Variants in IGF2BP1 observed in about 807,000 individuals in gnomAD.
IGF2BP1 encodes the protein insulin like growth factor 2 mRNA binding protein 1, also known as insulin-like growth factor 2 mRNA-binding protein 1.
A neutral mutation model predicts 74.9 loss-of-function variants in IGF2BP1; 11 were observed. The ratio of observed to expected loss-of-function variants is 0.15; its 90% CI spans 0.09 to 0.24. The LOEUF is 0.24. IGF2BP1 is among the 10% of genes least tolerant of loss of function. IGF2BP1 has a pLI of 1.00. For synonymous variants in IGF2BP1, 287 were observed against 281.8 expected (o/e 1.02, Z -0.18); for missense variants, 440 against 757.4 (o/e 0.58, Z 4.92).
At chr17:49,010,923 T>C (rs921090382) in intron 2 of IGF2BP1, among the ~76,000 whole-genome samples, 7 of 151,228 alleles carry the variant, frequency 4.6e-5, no homozygotes, top group African/African-American at 1.5e-4. Context: ...AGGAATGGGT[T>C]AAGAAGAGCC....
At chr17:49,038,111 C>T (rs1326645484) in intron 5 of IGF2BP1, 57 bp from the exon 6 acceptor site, 5 of 1,384,630 alleles carry the variant, frequency 3.6e-6, no homozygotes, top group Admixed American at 2.9e-5. Context: ...GCCAAGAGAG[C>T]ATCTGGTATG....
At position 49,050,631 on chromosome 17, in the gene IGF2BP1, G is replaced by A. The variant is rs945932253; in HGVS notation, c.*1187G>A. On this transcript the variant is annotated 3_prime_UTR_variant, in exon 15 of 15. Coordinates refer to ENST00000290341, the MANE Select transcript of IGF2BP1 (RefSeq NM_006546.4). ...AAATTCAGTAAATTGGAGAGTACTT[G>A]CTTCTGTTTGTATCTGAGAGGAATT... is the stretch of plus-strand genomic sequence containing the variant. 1.2e-4 allele frequency: 19 copies of A among 152,304 alleles called. No individual in the cohort carries two copies. The highest frequency in any genetic ancestry group is 3.4e-3 in the Middle Eastern group (1 of 294). The allele number at this position is 152,304 out of a possible 1,614,324, so 9.4% of individuals were successfully genotyped here.
chr17:49,041,773 G>A (rs11872073), intron 8 of IGF2BP1, among the ~76,000 whole-genome samples: 7,880 of 152,164 alleles, frequency 0.052, 367 homozygotes, highest in African/African-American at 0.13. Flanking sequence ...CCTGTGGCTC[G>A]TGGACAGCCT....
At position 48,999,041 on chromosome 17, in the gene IGF2BP1, C is replaced by T. The variant is rs2041448586; in HGVS notation, c.176-68C>T. The T allele has an allele frequency of 4.3e-6, 4 of 938,900 alleles. No individual in the cohort carries two copies. In the South Asian group the frequency reaches 5.4e-5, roughly 13 times the overall value. The allele number at this position is 938,900 out of a possible 1,614,324, so 58.2% of individuals were successfully genotyped here. The stretch of plus-strand genomic sequence containing the variant: ...CTCCTGAATTATCCTAGTGTCTTTT[C>T]CCCTTCCTCTTCCCACCCCCAACCC... On this transcript the variant is annotated intron_variant, in intron 1 of 14. Transcript: ENST00000290341.
intron 2 of IGF2BP1, among the ~76,000 whole-genome samples, chr17:49,006,280 T>A (rs1173362349): frequency 6.6e-6 from 1 of 152,142 alleles, no homozygotes; most frequent in Non-Finnish European, 1.5e-5. Flanking sequence ...AGGAAAGGAA[T>A]CATTCAAAAT....
chr17:49,031,242 G>A (rs1175807700), intron 4 of IGF2BP1, among the ~76,000 whole-genome samples: 1 of 152,010 alleles, frequency 6.6e-6, no homozygotes, highest in Non-Finnish European at 1.5e-5. Flanking sequence ...TGAGTAGCTG[G>A]GACTACAAGG....
At position 49,046,390 on chromosome 17, in the gene IGF2BP1, C is replaced by A. The variant is rs201858288; in HGVS notation, c.1641+17C>A. 1.5e-4 allele frequency: 237 copies of A among 1,583,522 alleles called. 3 individuals are homozygous for A. In the East Asian group the frequency reaches 5.2e-3, roughly 35 times the overall value. On this transcript the variant is annotated intron_variant, in intron 14 of 14. Coordinates refer to ENST00000290341, the MANE Select transcript of IGF2BP1 (RefSeq NM_006546.4). ...GCCAGTCAGGTACATATGGTGCTCC[C>A]CCATTGAGGGAGGGCTGCAGGAGCC...
rs1157171188 is a variant in IGF2BP1 at position 49,055,813 on chromosome 17, C to T, written c.*6369C>T. 1.4e-5 allele frequency among the ~76,000 whole-genome samples: 2 copies of T among 146,630 alleles called. No homozygotes were observed. The highest frequency in any genetic ancestry group is 3.0e-5 in the Non-Finnish European group (2 of 67,382). On this transcript the variant is annotated 3_prime_UTR_variant, in exon 15 of 15. Transcript: ENST00000290341. The stretch of plus-strand genomic sequence containing the variant: ...TTTGATGAGTGCAAATTGGGAAGAG[C>T]TGGAGGCCTACTGCTTGGGACAGTT...
At chr17:49,045,595 TTG>T in intron 12 of IGF2BP1, among the ~76,000 whole-genome samples, 1 of 152,296 alleles carries the variant, frequency 6.6e-6, no homozygotes, top group South Asian at 2.1e-4. Context: ...TAGGTCTGGT[TTG>T]TAGCTTGTGA....
chr17:49,044,127 G>A (rs1477359569), intron 11 of IGF2BP1, 41 bp downstream of exon 11: 4 of 1,607,034 alleles, frequency 2.5e-6, no homozygotes. Context: ...GGAAAGGGAG[G>A]GGTCTCTGCT....
intron 2 of IGF2BP1, among the ~76,000 whole-genome samples, chr17:49,010,106 A>G (rs955753868): frequency 3.9e-5 from 6 of 152,120 alleles, no homozygotes; most frequent in Non-Finnish European, 7.4e-5. Context: ...ACAAAAAACA[A>G]AAAACATTCA....
intron 5 of IGF2BP1, among the ~76,000 whole-genome samples, chr17:49,034,398 C>CAT (rs1238257039): frequency 1.3e-5 from 2 of 151,056 alleles, no homozygotes; most frequent in Admixed American, 6.6e-5. Context: ...GGATTACAGG[C>CAT]ATGAGCCACC....
intron 2 of IGF2BP1, among the ~76,000 whole-genome samples, chr17:49,010,204 C>T (rs773517751): frequency 1.3e-5 from 2 of 152,184 alleles, no homozygotes; most frequent in Non-Finnish European, 2.9e-5. Context: ...TAATAACTTA[C>T]CCATTCCTCC....
chr17:49,047,171 A>G (rs1440716968), intron 14 of IGF2BP1, among the ~76,000 whole-genome samples: 1 of 152,184 alleles, frequency 6.6e-6, no homozygotes, highest in Non-Finnish European at 1.5e-5. Context: ...TCCAGTGCCC[A>G]TATAGTATAG....
upstream of IGF2BP1, among the ~76,000 whole-genome samples, chr17:48,997,208 C>A (rs1483502880): frequency 2.0e-5 from 3 of 151,998 alleles, no homozygotes; most frequent in African/African-American, 7.3e-5. The surrounding 1 kb of genome is among the most constrained non-coding windows in gnomAD (Gnocchi z 4.8). Flanking sequence ...GCTTCAGGGA[C>A]GCTGCCGCAC....
At chr17:49,024,387 T>G (rs2041827840) in intron 2 of IGF2BP1, among the ~76,000 whole-genome samples, 1 of 151,820 alleles carries the variant, frequency 6.6e-6, no homozygotes, top group Non-Finnish European at 1.5e-5. Flanking sequence ...GCACTCCAGT[T>G]TGGGTGACAG....
Position 49,052,576 on chromosome 17 carries a change from A to C in IGF2BP1, c.*3132A>C, listed in dbSNP as rs939324445. Reference sequence around the variant, plus strand: ...TATTTGCCCAGCAGGAAAATCATGTAAGTTATACCACCAGAAAGCAAAAGG... The same window carrying C: ...TATTTGCCCAGCAGGAAAATCATGTCAGTTATACCACCAGAAAGCAAAAGG... On this transcript the variant is annotated 3_prime_UTR_variant, in exon 15 of 15. Transcript: ENST00000290341. 2.0e-5 allele frequency: 3 copies of C among 152,194 alleles called. No individual in the cohort carries two copies. Among genetic ancestry groups the C allele is most frequent in the Admixed American group, 6.5e-5 (1 of 15,278 alleles). 9.4% of individuals were successfully genotyped at this position (152,194 alleles called of 1,614,324 possible).
chr17:49,029,336 C>G (rs1312308861), intron 4 of IGF2BP1, among the ~76,000 whole-genome samples: 1 of 152,128 alleles, frequency 6.6e-6, no homozygotes, highest in African/African-American at 2.4e-5. Context: ...GGCCTGGGGC[C>G]TAGCGTGGTG....
chr17:49,047,111 G>C (rs1192773111), intron 14 of IGF2BP1, among the ~76,000 whole-genome samples: 1 of 152,172 alleles, frequency 6.6e-6, no homozygotes, highest in African/African-American at 2.4e-5. Context: ...CTTGTGGTCT[G>C]CTGGGGCTGC....
Sources: allele counts gnomAD v4.1 joint callset (sites outside exome capture counted in the v4.1 genomes callset), GRCh38; gene constraint gnomAD v4.1.1; non-coding constraint Gnocchi (gnomAD v3.1); transcripts MANE v1.5; gene names NCBI Gene and HGNC (gene_info 2026-07-23, HGNC 2026-07-21).